The following PFKFB3 variants were observed in gnomAD, a reference collection of about 807,000 sequenced individuals.
The protein encoded by PFKFB3 is 6-phosphofructo-2-kinase/fructose-2,6-biphosphatase 3, also known as 6-phosphofructo-2-kinase/fructose-2,6-bisphosphatase 3.
Under a neutral mutation model 68.0 loss-of-function variants are expected in PFKFB3, and 33 were observed. The ratio of observed to expected loss-of-function variants is 0.49; its 90% CI spans 0.37 to 0.65. The LOEUF (loss-of-function observed/expected upper bound fraction) is 0.65, where lower values mean the gene tolerates loss of function less well. Among genes scored for constraint, PFKFB3 ranks in the 30% least tolerant of loss-of-function variants. The pLI is 0.00. For missense variants in PFKFB3, 586 were observed against 712.2 expected, an observed-to-expected ratio of 0.82 and a Z score of 2.02; for synonymous variants, 315 against 288.2, an observed-to-expected ratio of 1.09 and a Z score of -0.94.
chr10:6,221,624 C>T lies in PFKFB3; in HGVS notation c.979-17C>T. On this transcript the variant is annotated splice_polypyrimidine_tract_variant and intron_variant, in intron 9 of 14. Transcript: ENST00000379775. ...CCCTGTGGTTTGTTCCCCTGAGTGA[C>T]CACTGGGTCCCCGCAGGGCGTCTGT... 6.2e-7 allele frequency: 1 copy of T among 1,609,118 alleles called. No individual in the cohort carries two copies. Among genetic ancestry groups the T allele is most frequent in the Non-Finnish European group, 8.5e-7 (1 of 1,177,694 alleles).
intron 1 of PFKFB3, among the ~76,000 whole-genome samples, chr10:6,166,667 T>G (rs1328246295): frequency 6.6e-6 from 1 of 152,132 alleles, no homozygotes; most frequent in Non-Finnish European, 1.5e-5. Context: ...AGTCGGATCT[T>G]GAGTAGCACC....
intron 14 of PFKFB3, among the ~76,000 whole-genome samples, chr10:6,252,861 G>T (rs941471812): frequency 2.4e-4 from 36 of 152,180 alleles, no homozygotes; most frequent in African/African-American, 8.4e-4. Context: ...AGAAGTAGGG[G>T]AGAGGGATGA....
chr10:6,220,921 A>C lies in PFKFB3; in HGVS notation c.831+56A>C. ...TGGCTGTAGGGCGGTTGCAGGGTCT[A>C]TAGGGTGGGTGGGGAGCTGTGTGCT... On this transcript the variant is annotated intron_variant, in intron 8 of 14. Transcript: ENST00000379775. The surrounding 1 kb of genome is among the most constrained non-coding windows in gnomAD (Gnocchi z 4.1). 1 of 1,471,932 alleles carries C rather than the reference A, an allele frequency of 6.8e-7. No individual in the cohort carries two copies. Among genetic ancestry groups the C allele is most frequent in the Non-Finnish European group, 9.4e-7 (1 of 1,062,794 alleles). 91.2% of individuals were successfully genotyped at this position (1,471,932 alleles called of 1,614,324 possible).
At chr10:6,219,857 G>GAACTTCTAGACTCA in intron 7 of PFKFB3, among the ~76,000 whole-genome samples, 164 bp downstream of exon 7, 6 of 152,174 alleles carry the variant, frequency 3.9e-5, no homozygotes, top group African/African-American at 1.4e-4. Flanking sequence ...GGCTGGTCTT[G>GAACTTCTAGACTCA]AGCTCCTGGC....
chr10:6,315,870 C>T, the PFKFB3 span, among the ~76,000 whole-genome samples: 1 of 152,146 alleles, frequency 6.6e-6, no homozygotes, highest in Non-Finnish European at 1.5e-5. Context: ...TGTATTATAC[C>T]ATGTGGCTCA....
At chr10:6,237,599 T>TCTC, downstream of PFKFB3, among the ~76,000 whole-genome samples, 3 of 152,230 alleles carry the variant, frequency 2.0e-5, no homozygotes, top group Non-Finnish European at 4.4e-5. Context: ...GACAGGGTTT[T>TCTC]GCTCTGTCTC....
chr10:6,190,945 A>T (rs1174199326), intron 1 of PFKFB3, among the ~76,000 whole-genome samples: 1 of 152,042 alleles, frequency 6.6e-6, no homozygotes, highest in African/African-American at 2.4e-5. Flanking sequence ...TGCCCAGCTA[A>T]TTTTTGTAGT....
chr10:6,293,295 G>T, the PFKFB3 span: 1 of 377,544 alleles, frequency 2.6e-6, no homozygotes, highest in Non-Finnish European at 5.2e-6. Flanking sequence ...TGTTCTGTGA[G>T]AAGACCATTT....
At chr10:6,223,060 T>C (rs1239164781) in intron 11 of PFKFB3, 76 bp downstream of exon 11, 9 of 1,454,184 alleles carry the variant, frequency 6.2e-6, no homozygotes, top group Non-Finnish European at 8.4e-6. Context: ...GCCGCAGACC[T>C]GCCGTGGCCT....
At chr10:6,268,878 C>T in the PFKFB3 span, among the ~76,000 whole-genome samples, 1 of 151,400 alleles carries the variant, frequency 6.6e-6, no homozygotes, top group Non-Finnish European at 1.5e-5. Flanking sequence ...AAAAAACTAG[C>T]TGGGCATGGT....
intron 1 of PFKFB3, among the ~76,000 whole-genome samples, chr10:6,179,795 C>G (rs1564601638): frequency 6.6e-6 from 1 of 152,124 alleles, no homozygotes; most frequent in South Asian, 2.1e-4. Context: ...GGCACAGAAA[C>G]CACGAGAGCC....
chr10:6,270,034 A>C, the PFKFB3 span, among the ~76,000 whole-genome samples: 1 of 152,094 alleles, frequency 6.6e-6, no homozygotes, highest in African/African-American at 2.4e-5. Flanking sequence ...TGGGAGGCTG[A>C]GGCAGGAGAA....
chr10:6,248,923 C>T (rs1219151214), intron 14 of PFKFB3, among the ~76,000 whole-genome samples: 1 of 151,960 alleles, frequency 6.6e-6, no homozygotes, highest in Non-Finnish European at 1.5e-5. Context: ...CCTGTAATCC[C>T]AGCACTTTGG....
At chr10:6,281,845 T>C in the PFKFB3 span, among the ~76,000 whole-genome samples, 1 of 152,128 alleles carries the variant, frequency 6.6e-6, no homozygotes. Flanking sequence ...CAAAGATCGA[T>C]TGAATCTCTA....
chr10:6,289,884 CA>C, the PFKFB3 span, among the ~76,000 whole-genome samples: 1 of 151,826 alleles, frequency 6.6e-6, no homozygotes, highest in Non-Finnish European at 1.5e-5. Context: ...TTTCATTGAG[CA>C]GTGGTTTGTA....
chr10:6,213,577 T>C, intron 1 of PFKFB3, 46 bp from the exon 2 acceptor site: 1 of 1,585,740 alleles, frequency 6.3e-7, no homozygotes, highest in Non-Finnish European at 8.6e-7. Flanking sequence ...GCTCCTCTTC[T>C]CCGGTCACTT....
At chr10:6,252,761 A>T (rs1415864011) in intron 14 of PFKFB3, among the ~76,000 whole-genome samples, 1 of 152,226 alleles carries the variant, frequency 6.6e-6, no homozygotes, top group Non-Finnish European at 1.5e-5. Context: ...AATTCCATTC[A>T]TGTCTCTCTC....
rs1454344557 is a variant in PFKFB3, at chr10:6,229,062, C to T, written c.1515+2697C>T. On this transcript the variant is annotated intron_variant, in intron 14 of 14. Coordinates refer to ENST00000379775, the MANE Select transcript of PFKFB3 (RefSeq NM_004566.4). This position sits in a 1 kb window ranked among gnomAD's most constrained non-coding sequence, Gnocchi z 4.3. ...TGCCCCCCCAAAAACACACCCGCCCCTTTATTTCCTGTTTGCTCCTTAAGT... is the reference window on the plus strand; with the variant it reads ...TGCCCCCCCAAAAACACACCCGCCCTTTTATTTCCTGTTTGCTCCTTAAGT... 1 of 515,178 alleles carries T rather than the reference C, an allele frequency of 1.9e-6. No homozygotes were observed. The highest frequency in any genetic ancestry group is 4.0e-6 in the Non-Finnish European group (1 of 250,886). The allele number at this position is 515,178 out of a possible 1,614,324, so 31.9% of individuals were successfully genotyped here. A position where few individuals can be genotyped will look rare whatever the true frequency, so the allele number is the denominator to read the frequency against.
intron 1 of PFKFB3, among the ~76,000 whole-genome samples, chr10:6,171,306 C>T (rs1406455885): frequency 6.6e-6 from 1 of 152,182 alleles, no homozygotes; most frequent in South Asian, 2.1e-4. Context: ...CCACCCGCCT[C>T]AGCCTCCCAA....
Sources: gnomAD v4.1 joint callset for allele counts (sites outside exome capture counted in the v4.1 genomes callset) on GRCh38, gnomAD v4.1.1 for gene constraint, Gnocchi (gnomAD v3.1) non-coding constraint, MANE v1.5 for transcripts, NCBI Gene and HGNC (gene_info 2026-07-23, HGNC 2026-07-21) for gene names.